SYN3: variants seen among roughly 807,000 people sequenced by gnomAD.
The protein encoded by SYN3 is synapsin-3.
In SYN3, 35 loss-of-function variants were observed where a neutral mutation model predicts 65.8. That is an observed-to-expected ratio of 0.53 (90% confidence interval 0.41 to 0.70). The LOEUF (loss-of-function observed/expected upper bound fraction) is 0.70. SYN3 is among the 30% of genes least tolerant of loss of function. The probability of loss-of-function intolerance (pLI) is 0.00; values close to 1 mark genes in which losing one functional copy is unlikely to be tolerated. For missense variants in SYN3, 680 were observed against 749.0 expected, an observed-to-expected ratio of 0.91 and a Z score of 1.08; for synonymous variants, 270 against 292.9, an observed-to-expected ratio of 0.92 and a Z score of 0.80.
At chr22:32,874,858 T>C (rs1314733628) in intron 4 of SYN3, among the ~76,000 whole-genome samples, 1 of 152,096 alleles carries the variant, frequency 6.6e-6, no homozygotes, top group Admixed American at 6.5e-5. Flanking sequence ...ACACTCCACC[T>C]TGGAAAATTC....
chr22:32,999,559 T>G lies in SYN3; in HGVS notation c.311+6793A>C, dbSNP rs1280757494. On this transcript the variant is annotated intron_variant, in intron 2 of 13. Transcript: ENST00000358763. The stretch of plus-strand genomic sequence containing the variant: ...TTAGCTGGGCGTGGTGGCCTGTGCC[T>G]GCAATCCCAGACCCCCAGGAGGCTG... 2.0e-5 allele frequency among the ~76,000 whole-genome samples: 3 copies of G among 152,198 alleles called. No individual in the cohort carries two copies. The East Asian group carries it at 5.8e-4, about 29-fold the overall frequency.
chr22:33,035,249 G>A (rs755625644), intron 1 of SYN3, among the ~76,000 whole-genome samples: 6 of 149,922 alleles, frequency 4.0e-5, no homozygotes, highest in Admixed American at 6.8e-5. Context: ...TAAGTGCTAG[G>A]TACTATTTTA....
intron 3 of SYN3, among the ~76,000 whole-genome samples, chr22:32,953,587 A>G (rs2051356523): frequency 6.6e-6 from 1 of 152,038 alleles, no homozygotes; most frequent in Admixed American, 6.5e-5. Flanking sequence ...CTGAGGCTGG[A>G]GTATATATAC....
At chr22:32,704,657 T>A (rs1164252600) in intron 6 of SYN3, among the ~76,000 whole-genome samples, 1 of 152,190 alleles carries the variant, frequency 6.6e-6, no homozygotes, top group Non-Finnish European at 1.5e-5. Context: ...CTTTCCACAG[T>A]GGTTGAACTA....
At chr22:32,712,526 C>T (rs2060979748) in intron 6 of SYN3, among the ~76,000 whole-genome samples, 1 of 152,166 alleles carries the variant, frequency 6.6e-6, no homozygotes, top group South Asian at 2.1e-4. Flanking sequence ...GCAAAAGTGG[C>T]TTGGCCTCTT....
intron 3 of SYN3, among the ~76,000 whole-genome samples, chr22:32,960,082 G>A (rs1162571562): frequency 6.6e-6 from 1 of 152,234 alleles, no homozygotes; most frequent in Non-Finnish European, 1.5e-5. Context: ...GAGTTAGACA[G>A]GTATCATAAC....
chr22:32,952,299 G>GT (rs146173932), intron 3 of SYN3, among the ~76,000 whole-genome samples: 2,141 of 150,382 alleles, frequency 0.014, 53 homozygotes, highest in African/African-American at 0.049. Flanking sequence ...TGTGTGGGGG[G>GT]GTGTGTGTGT....
chr22:32,849,590 G>C, intron 6 of SYN3: 2 of 1,526,880 alleles, frequency 1.3e-6, no homozygotes, highest in African/African-American at 2.7e-5. Flanking sequence ...TGCCAGAAGA[G>C]TCCTGGCTAA....
rs1312728966 is a variant in SYN3 at position 32,926,049 on chromosome 22, GC to G, written c.461+5340del. Among the ~76,000 whole-genome samples the G allele has an allele frequency of 3.3e-5, 5 of 152,122 alleles. No individual in the cohort carries two copies. The East Asian group carries it at 9.7e-4, about 30-fold the overall frequency. On this transcript the variant is annotated intron_variant, in intron 4 of 13. Coordinates refer to ENST00000358763, the MANE Select transcript of SYN3 (RefSeq NM_003490.4). ...GCATTTTTATTAGAGACAGGGTTTT[GC>G]CATATTGCCCAGGCTTGTCTCAAAC...
intron 7 of SYN3, among the ~76,000 whole-genome samples, chr22:32,586,558 A>C (rs2059045223): frequency 6.6e-6 from 1 of 152,152 alleles, no homozygotes; most frequent in African/African-American, 2.4e-5. Context: ...AATCATCAAC[A>C]AAAAGCACAA....
chr22:32,867,342 G>GT (rs1466241534), intron 5 of SYN3, among the ~76,000 whole-genome samples: 4 of 152,220 alleles, frequency 2.6e-5, no homozygotes, highest in African/African-American at 9.7e-5. Context: ...TCACTAGAAT[G>GT]TAAGATCCAC....
intron 6 of SYN3, among the ~76,000 whole-genome samples, chr22:32,629,253 A>T (rs1248415441): frequency 2.0e-5 from 3 of 152,240 alleles, no homozygotes; most frequent in Admixed American, 2.0e-4. Flanking sequence ...TTGCATAAAT[A>T]TACTAGGAGA....
At chr22:32,556,758 TACCCAATGACCCAATG>T (rs111928260) in intron 7 of SYN3, among the ~76,000 whole-genome samples, 11,544 of 145,050 alleles carry the variant, frequency 0.08, 741 homozygotes, top group East Asian at 0.23. Context: ...TATATCCATA[TACCCAATGACCCAATG>T]ACCCAATGAC....
intron 3 of SYN3, among the ~76,000 whole-genome samples, chr22:32,974,381 T>C (rs1481878787): frequency 2.0e-5 from 3 of 152,208 alleles, no homozygotes; most frequent in Non-Finnish European, 4.4e-5. Flanking sequence ...TTCAGCTTTA[T>C]CTCATAAGGA....
In SYN3 at chr22:32,954,403, C is replaced by A. The variant is rs948544399; in HGVS notation, c.370-22922G>T. On this transcript the variant is annotated intron_variant, in intron 3 of 13. Coordinates refer to ENST00000358763, the MANE Select transcript of SYN3 (RefSeq NM_003490.4). ...GCTAACTGCAATGAATTTTTGCTAC[C>A]TGCAGTGGATAGGGCAAATGTTCAG... is the stretch of plus-strand genomic sequence containing the variant. Among the ~76,000 whole-genome samples the A allele has an allele frequency of 3.4e-5, 5 of 148,508 alleles. 1 individual carries two copies.
intron 7 of SYN3, among the ~76,000 whole-genome samples, chr22:32,549,123 G>A (rs2058374736): frequency 6.6e-6 from 1 of 152,120 alleles, no homozygotes; most frequent in African/African-American, 2.4e-5. Flanking sequence ...TCCTCAGCAG[G>A]GGACAGCTGC....
At chr22:32,763,864 T>G (rs1360065455) in intron 6 of SYN3, among the ~76,000 whole-genome samples, 1 of 151,620 alleles carries the variant, frequency 6.6e-6, no homozygotes, top group Non-Finnish European at 1.5e-5. Context: ...GCTGAGATAG[T>G]AGGGGGAGGA....
intron 6 of SYN3, among the ~76,000 whole-genome samples, chr22:32,676,999 C>T (rs1356052350): frequency 7.2e-5 from 11 of 152,326 alleles, no homozygotes; most frequent in South Asian, 2.1e-4. Context: ...GACAGAACCA[C>T]GACAATTTGA....
At chr22:33,014,854 G>T in intron 1 of SYN3, 1 of 162,162 alleles carries the variant, frequency 6.2e-6, no homozygotes. Context: ...CGGCGTGCCG[G>T]AAAGTGCGTG....
Sources: allele counts gnomAD v4.1 joint callset (sites outside exome capture counted in the v4.1 genomes callset), GRCh38; gene constraint gnomAD v4.1.1; transcripts MANE v1.5; gene names NCBI Gene and HGNC (gene_info 2026-07-23, HGNC 2026-07-21).